GLRA2: variants seen among roughly 807,000 people sequenced by gnomAD.
GLRA2 encodes glycine receptor alpha 2.
Under a neutral mutation model 31.6 loss-of-function variants are expected in GLRA2, and 11 were observed. The ratio of observed to expected loss-of-function variants is 0.35; its 90% CI spans 0.22 to 0.58. The LOEUF (loss-of-function observed/expected upper bound fraction) is 0.58, where lower values mean the gene tolerates loss of function less well. GLRA2 is among the 20% of genes least tolerant of loss of function. The pLI is 0.84. For synonymous variants in GLRA2, 132 were observed against 134.0 expected, an observed-to-expected ratio of 0.99 and a Z score of 0.10; for missense variants, 212 against 351.8, an observed-to-expected ratio of 0.60 and a Z score of 3.18.
intron 7 of GLRA2, among the ~76,000 whole-genome samples, chrX:14,672,523 C>T (rs2091104279): frequency 9.0e-6 from 1 of 111,374 alleles, no homozygotes; most frequent in South Asian, 3.8e-4. Flanking sequence ...AGGCTAGTAT[C>T]TATTGCAAAT....
At chrX:14,464,835 G>A in the GLRA2 span, among the ~76,000 whole-genome samples, 4 of 111,874 alleles carry the variant, frequency 3.6e-5, no homozygotes, top group African/African-American at 1.3e-4. Flanking sequence ...GATTACAGGC[G>A]TGAGCCACCG....
intron 7 of GLRA2, among the ~76,000 whole-genome samples, chrX:14,629,406 T>C (rs1162834026): frequency 9.0e-6 from 1 of 111,608 alleles, no homozygotes; most frequent in African/African-American, 3.3e-5. Flanking sequence ...CACAGTGTGA[T>C]TCAGTAGTGC....
chrX:14,611,483 G>A (rs10521642), intron 7 of GLRA2, among the ~76,000 whole-genome samples: 27,928 of 112,199 alleles, frequency 0.25, 2,607 homozygotes, highest in Non-Finnish European at 0.3. Context: ...GAAAATTGAG[G>A]TCAAACTTTT....
chrX:14,573,559 A>G (rs775925657), intron 2 of GLRA2, among the ~76,000 whole-genome samples: 11 of 111,116 alleles, frequency 9.9e-5, no homozygotes, highest in Non-Finnish European at 1.9e-4. Context: ...TGTGAAGCAG[A>G]GAATCATCAG....
the GLRA2 span, among the ~76,000 whole-genome samples, chrX:14,512,678 C>CA: frequency 2.7e-5 from 3 of 110,251 alleles, no homozygotes; most frequent in Admixed American, 9.7e-5. Context: ...ACAGTAGCTG[C>CA]AAAAAAAACT....
chrX:14,673,858 A>T (rs2091117857), intron 7 of GLRA2, among the ~76,000 whole-genome samples: 1 of 112,255 alleles, frequency 8.9e-6, no homozygotes, highest in African/African-American at 3.2e-5. Flanking sequence ...CAGTATGTCC[A>T]TGGCTGCAGG....
chrX:14,454,216 A>C, the GLRA2 span, among the ~76,000 whole-genome samples: 1 of 108,305 alleles, frequency 9.2e-6, no homozygotes, highest in Non-Finnish European at 1.9e-5. Flanking sequence ...ACACACACAC[A>C]CACACGCACA....
At chrX:14,483,127 A>C in the GLRA2 span, among the ~76,000 whole-genome samples, 1 of 112,058 alleles carries the variant, frequency 8.9e-6, no homozygotes, top group South Asian at 3.7e-4. Flanking sequence ...TGTAATTTAA[A>C]GGTCTTTTTA....
intron 7 of GLRA2, among the ~76,000 whole-genome samples, chrX:14,637,285 C>T (rs2090720286): frequency 8.9e-6 from 1 of 111,895 alleles, no homozygotes; most frequent in Non-Finnish European, 1.9e-5. Context: ...ATGTATGTAC[C>T]TGACTTCCCA....
chrX:14,626,482 T>C (rs868232417), intron 7 of GLRA2, among the ~76,000 whole-genome samples: 7 of 112,029 alleles, frequency 6.2e-5, no homozygotes, highest in Middle Eastern at 4.6e-3. Flanking sequence ...ATATTAGGAA[T>C]ACTTTATAAT....
chrX:14,454,180 C>T, the GLRA2 span, among the ~76,000 whole-genome samples: 2 of 68,817 alleles, frequency 2.9e-5, no homozygotes, highest in Non-Finnish European at 5.8e-5. Context: ...ACACCCACAC[C>T]CACACACCCA....
intron 2 of GLRA2, among the ~76,000 whole-genome samples, chrX:14,548,059 T>C (rs768361806): frequency 1.8e-5 from 2 of 112,307 alleles, no homozygotes; most frequent in Admixed American, 1.9e-4. Flanking sequence ...TATCTGCTAA[T>C]TATTGTGATT....
intron 7 of GLRA2, among the ~76,000 whole-genome samples, chrX:14,669,268 C>A (rs2091066408): frequency 8.9e-6 from 1 of 112,013 alleles, no homozygotes; most frequent in Non-Finnish European, 1.9e-5. Flanking sequence ...GTACAGCCTC[C>A]CTCCTGGCTA....
chrX:14,690,370 A>G (rs1476783792), intron 7 of GLRA2, among the ~76,000 whole-genome samples: 3 of 111,720 alleles, frequency 2.7e-5, no homozygotes, highest in African/African-American at 9.8e-5. Context: ...GAATGTCTAA[A>G]TTGAGCTACT....
intron 8 of GLRA2, among the ~76,000 whole-genome samples, chrX:14,726,038 TA>T (rs2091925285): frequency 8.9e-6 from 1 of 112,415 alleles, no homozygotes; most frequent in Non-Finnish European, 1.9e-5. Context: ...AGTTTCTGGC[TA>T]ATCAGAAGAA....
the GLRA2 span, among the ~76,000 whole-genome samples, chrX:14,467,568 C>T: frequency 8.9e-6 from 1 of 112,304 alleles, no homozygotes; most frequent in Non-Finnish European, 1.9e-5. Flanking sequence ...CAGACAACAT[C>T]TAAGTGGTGG....
chrX:14,670,233 C>T (rs1214754902), intron 7 of GLRA2, among the ~76,000 whole-genome samples: 1 of 111,821 alleles, frequency 8.9e-6, no homozygotes, highest in Non-Finnish European at 1.9e-5. Context: ...ATATCACTAT[C>T]GGCATTTTTG....
chrX:14,493,518 TAC>T, the GLRA2 span, among the ~76,000 whole-genome samples: 280 of 73,052 alleles, frequency 3.8e-3, 4 homozygotes, highest in African/African-American at 0.011. Flanking sequence ...TATATATATA[TAC>T]ACACATATAT....
chrX:14,684,002 C>G (rs185835158), intron 7 of GLRA2, among the ~76,000 whole-genome samples: 3 of 110,494 alleles, frequency 2.7e-5, no homozygotes, highest in Non-Finnish European at 5.7e-5. Context: ...GATTTTGCTA[C>G]GTGAATGTAC....
Sources: allele counts gnomAD v4.1 joint callset (sites outside exome capture counted in the v4.1 genomes callset), GRCh38; gene constraint gnomAD v4.1.1; transcripts MANE v1.5; gene names NCBI Gene and HGNC (gene_info 2026-07-23, HGNC 2026-07-21).